Variants in LRRC49 observed in about 807,000 individuals in gnomAD.
The protein encoded by LRRC49 is leucine rich repeat containing 49.
Under a neutral mutation model 83.3 loss-of-function variants are expected in LRRC49, and 50 were observed. The ratio of observed to expected loss-of-function variants is 0.60; its 90% CI spans 0.48 to 0.76. The LOEUF (loss-of-function observed/expected upper bound fraction) is 0.76. Ranked by LOEUF, LRRC49 falls within the 30% of genes least tolerant of loss-of-function variation. LRRC49 has a pLI of 0.00. For synonymous variants in LRRC49, 286 were observed against 283.3 expected (o/e 1.01, Z -0.10); for missense variants, 704 against 809.1 (o/e 0.87, Z 1.58).
At chr15:71,034,552 T>G (rs2039459773) in intron 14 of LRRC49, among the ~76,000 whole-genome samples, 1 of 152,308 alleles carries the variant, frequency 6.6e-6, no homozygotes, top group East Asian at 1.9e-4. Context: ...CAAAGGAATA[T>G]AAATCATTCT....
intron 7 of LRRC49, among the ~76,000 whole-genome samples, chr15:70,931,260 G>A (rs1051906090): frequency 5.9e-5 from 9 of 152,258 alleles, no homozygotes; most frequent in African/African-American, 2.2e-4. Context: ...ACCAAGAAGA[G>A]GGAGAGAGAT....
intron 1 of LRRC49, among the ~76,000 whole-genome samples, chr15:70,854,711 A>C (rs1450310971): frequency 6.6e-6 from 1 of 152,142 alleles, no homozygotes. Flanking sequence ...TGGTTCCCAG[A>C]CCAGGAGCAT....
At chr15:70,911,452 A>T (rs1005377768) in intron 5 of LRRC49, 80 bp from the exon 6 acceptor site, 1 of 706,510 alleles carries the variant, frequency 1.4e-6, no homozygotes, top group African/African-American at 1.8e-5. Flanking sequence ...AATGAGTTAC[A>T]CCTTTATGCC....
chr15:70,881,200 G>C (rs1429573555), intron 2 of LRRC49: 1 of 152,210 alleles, frequency 6.6e-6, no homozygotes, highest in East Asian at 1.9e-4. Flanking sequence ...CTACATTCCA[G>C]CCTGGGCGAT....
chr15:70,859,716 T>C, intron 1 of LRRC49: 1 of 687,226 alleles, frequency 1.5e-6, no homozygotes, highest in Non-Finnish European at 2.8e-6. Flanking sequence ...GAGGCCACCA[T>C]CGCAGATGTG....
In LRRC49 at chr15:71,052,790, A is replaced by G. The variant is rs1478152052; in HGVS notation, c.*3178A>G. The G allele has an allele frequency of 6.6e-6, 1 of 152,230 alleles. No individual in the cohort carries two copies. The highest frequency in any genetic ancestry group is 1.5e-5 in the Non-Finnish European group (1 of 68,052). The allele number at this position is 152,230 out of a possible 1,614,324, so 9.4% of individuals were successfully genotyped here. On this transcript the variant is annotated 3_prime_UTR_variant, in exon 16 of 16. Transcript: ENST00000260382. ...AAACGTAACTAAGGGTATTTCAACC[A>G]ATAAATAGTAGACAGTACCCACATT...
chr15:70,895,765 T>G, intron 2 of LRRC49, 84 bp from the exon 3 acceptor site: 1 of 749,266 alleles, frequency 1.3e-6, no homozygotes, highest in Non-Finnish European at 2.2e-6. Flanking sequence ...TGTGTATCAG[T>G]TATTATATGT....
intron 4 of LRRC49, among the ~76,000 whole-genome samples, chr15:70,902,756 A>G (rs1166422678): frequency 6.6e-6 from 1 of 152,192 alleles, no homozygotes; most frequent in Non-Finnish European, 1.5e-5. Flanking sequence ...AAGGCAGCCT[A>G]TCAGCACCAA....
chr15:71,018,451 C>T (rs1567101786), intron 14 of LRRC49, among the ~76,000 whole-genome samples: 1 of 152,030 alleles, frequency 6.6e-6, no homozygotes, highest in Non-Finnish European at 1.5e-5. Context: ...AAATGCTAGA[C>T]AAAATAAAAA....
chr15:70,925,869 T>C (rs548530840), intron 7 of LRRC49, among the ~76,000 whole-genome samples: 6 of 152,310 alleles, frequency 3.9e-5, no homozygotes, highest in African/African-American at 1.4e-4. Context: ...TACAGTTCAA[T>C]AGCTTCTATT....
chr15:71,044,298 G>T (rs922421240), intron 15 of LRRC49, among the ~76,000 whole-genome samples: 1 of 152,118 alleles, frequency 6.6e-6, no homozygotes. Flanking sequence ...GTCAATCTAT[G>T]ACCTATTGTT....
chr15:71,011,510 G>A (rs1303711419), intron 13 of LRRC49, among the ~76,000 whole-genome samples: 5 of 151,996 alleles, frequency 3.3e-5, no homozygotes, highest in Admixed American at 3.3e-4. Flanking sequence ...CAATGCCAGG[G>A]ATATTTGACA....
At chr15:70,877,252 A>G (rs1005006583) in intron 2 of LRRC49, among the ~76,000 whole-genome samples, 2 of 152,324 alleles carry the variant, frequency 1.3e-5, no homozygotes, top group East Asian at 3.9e-4. Flanking sequence ...TTTACATACA[A>G]CTATTAATAC....
At chr15:70,873,297 A>C in intron 2 of LRRC49, 1 of 1,414,750 alleles carries the variant, frequency 7.1e-7, no homozygotes, top group Non-Finnish European at 9.7e-7. Context: ...GAACTAAAAC[A>C]TCATATACGG....
At chr15:70,892,118 AC>A (rs2033602326), upstream of LRRC49, 2 of 1,613,956 alleles carry the variant, frequency 1.2e-6, no homozygotes, top group Non-Finnish European at 1.7e-6. Flanking sequence ...AGAGCAGATG[AC>A]CGAGCGGTCA....
chr15:70,867,929 C>T (rs1484743222), intron 1 of LRRC49, among the ~76,000 whole-genome samples: 2 of 152,122 alleles, frequency 1.3e-5, no homozygotes, highest in African/African-American at 2.4e-5. Context: ...GCTCTGTACT[C>T]CTCTCTGTCA....
intron 11 of LRRC49, among the ~76,000 whole-genome samples, chr15:70,987,379 G>A (rs1264481625): frequency 6.6e-6 from 1 of 152,068 alleles, no homozygotes; most frequent in Non-Finnish European, 1.5e-5. Flanking sequence ...TGTATGTGTC[G>A]AGGAATTTAT....
At chr15:71,003,065 GTA>G (rs970185648) in intron 11 of LRRC49, among the ~76,000 whole-genome samples, 3 of 143,462 alleles carry the variant, frequency 2.1e-5, no homozygotes, top group African/African-American at 5.1e-5. Context: ...AGCCTCCCGA[GTA>G]GCTGGGATTA....
At chr15:70,891,996 G>A (rs2033596374), upstream of LRRC49, 8 of 1,612,748 alleles carry the variant, frequency 5.0e-6, no homozygotes, top group African/African-American at 6.7e-5. Flanking sequence ...GCCGGGGCGG[G>A]CACCCGGTGC....
Sources: allele counts gnomAD v4.1 joint callset (sites outside exome capture counted in the v4.1 genomes callset), GRCh38; gene constraint gnomAD v4.1.1; transcripts MANE v1.5; gene names NCBI Gene and HGNC (gene_info 2026-07-23, HGNC 2026-07-21).